The following ASXL3 variants were observed in gnomAD, a reference collection of about 807,000 sequenced individuals.
ASXL3 encodes the protein putative Polycomb group protein ASXL3.
A neutral mutation model predicts 170.6 loss-of-function variants in ASXL3; 34 were observed. That is an observed-to-expected ratio of 0.20 (90% confidence interval 0.15 to 0.27). ASXL3 has a LOEUF of 0.27. Ranked by LOEUF, ASXL3 falls within the 10% of genes least tolerant of loss-of-function variation. The pLI is 1.00. For synonymous variants in ASXL3, 1,002 were observed against 989.1 expected (o/e 1.01, Z -0.24); for missense variants, 2,592 against 2,695.3 (o/e 0.96, Z 0.85).
At chr18:33,648,577 GTC>G (rs1370580872) in intron 4 of ASXL3, among the ~76,000 whole-genome samples, 1 of 152,038 alleles carries the variant, frequency 6.6e-6, no homozygotes, top group Admixed American at 6.6e-5. Flanking sequence ...GATTTTATCT[GTC>G]TGAAAATTAT....
At chr18:33,599,453 C>A (rs2065161668) in intron 1 of ASXL3, among the ~76,000 whole-genome samples, 1 of 152,092 alleles carries the variant, frequency 6.6e-6, no homozygotes, top group African/African-American at 2.4e-5. Context: ...GCAGCCACAA[C>A]AGTTTGTTTT....
intron 4 of ASXL3, 85 bp from the exon 5 acceptor site, chr18:33,661,531 T>G (rs1175478019): frequency 7.5e-7 from 1 of 1,336,130 alleles, no homozygotes; most frequent in Non-Finnish European, 1.0e-6. Context: ...CATTTTCAAT[T>G]GCAGAAAAGC....
chr18:33,632,406 C>T (rs542619128), intron 2 of ASXL3, among the ~76,000 whole-genome samples: 1 of 152,196 alleles, frequency 6.6e-6, no homozygotes, highest in East Asian at 1.9e-4. Context: ...GGTAGCTGCC[C>T]CAGTGTTTAT....
chr18:33,676,335 A>G (rs1322465692), intron 7 of ASXL3, among the ~76,000 whole-genome samples: 1 of 150,688 alleles, frequency 6.6e-6, no homozygotes, highest in Non-Finnish European at 1.5e-5. Context: ...CTGTTGATGT[A>G]GGGTTTTTCT....
intron 2 of ASXL3, chr18:33,609,130 A>T (rs2065295458): frequency 4.3e-6 from 4 of 931,228 alleles, no homozygotes; most frequent in South Asian, 5.0e-5. Context: ...TTTAACCCGG[A>T]TGTCAGTTTA....
In ASXL3 at chr18:33,745,318, G is replaced by A; in HGVS notation, c.5470G>A (p.Glu1824Lys). 1 of 1,613,962 alleles carries A rather than the reference G, an allele frequency of 6.2e-7. No individual in the cohort carries two copies. Among genetic ancestry groups the A allele is most frequent in the South Asian group, 1.1e-5 (1 of 91,084 alleles). ...GGCACCACTCCAAATGAGAAAGCGA[G>A]AAAACCACCCCAAAAAGAGAGTAGC... The part of the protein sequence containing the change: ...TLAPLQMRKR[E>K]NHPKKRVART... The change falls in exon 12 of 12, where the codon GAA becomes AAA. Residue 1824 changes from glutamate to lysine, a missense_variant. This residue lies in a region of ASXL3 where 2,246 missense variants were observed against 2,219.6 expected (regional missense o/e 1.01). Transcript: ENST00000269197.
At chr18:33,630,980 A>T (rs2065668436) in intron 2 of ASXL3, among the ~76,000 whole-genome samples, 1 of 152,046 alleles carries the variant, frequency 6.6e-6, no homozygotes, top group African/African-American at 2.4e-5. Context: ...GAAAAAAATT[A>T]GAAAAAATTT....
At chr18:33,722,841 T>A (rs2067285698) in intron 8 of ASXL3, among the ~76,000 whole-genome samples, 1 of 152,150 alleles carries the variant, frequency 6.6e-6, no homozygotes, top group South Asian at 2.1e-4. Flanking sequence ...ACCCTTCTGT[T>A]AGGTGCTAAT....
intron 2 of ASXL3, chr18:33,609,014 T>C: frequency 1.0e-6 from 1 of 984,536 alleles, no homozygotes. Context: ...CCTAAGATAA[T>C]ATAACCACGC....
intron 8 of ASXL3, among the ~76,000 whole-genome samples, chr18:33,726,583 G>T (rs771870857): frequency 1.3e-5 from 2 of 152,052 alleles, no homozygotes; most frequent in Non-Finnish European, 1.5e-5. Flanking sequence ...TAATATTTTC[G>T]ATAGTTTGGA....
At position 33,612,894 on chromosome 18, in the gene ASXL3, A is replaced by G. The variant is rs574910198; in HGVS notation, c.137+5218A>G. ...TCCTTTAATACTGAAATGGTGGTCT[A>G]GTTTGTTTGTGTTGGGCATTTTAGA... On this transcript the variant is annotated intron_variant, in intron 2 of 11. Coordinates refer to ENST00000269197, the MANE Select transcript of ASXL3 (RefSeq NM_030632.3). Among the ~76,000 whole-genome samples, 266 of 152,162 alleles carry G rather than the reference A, an allele frequency of 1.7e-3. 1 individual carries two copies. Among genetic ancestry groups the G allele is most frequent in the Non-Finnish European group, 3.3e-3 (226 of 67,976 alleles).
At chr18:33,641,380 C>T (rs1036408868) in intron 2 of ASXL3, among the ~76,000 whole-genome samples, 2 of 151,900 alleles carry the variant, frequency 1.3e-5, no homozygotes, top group African/African-American at 4.8e-5. Context: ...GAAGGGTCCA[C>T]AGCCTTACAG....
chr18:33,590,766 G>T (rs958683746), intron 1 of ASXL3, among the ~76,000 whole-genome samples: 4 of 152,004 alleles, frequency 2.6e-5, no homozygotes, highest in African/African-American at 9.7e-5. Context: ...AGTTACCATG[G>T]ATGATTTCTG....
intron 8 of ASXL3, among the ~76,000 whole-genome samples, chr18:33,722,790 T>C (rs1446521124): frequency 6.6e-6 from 1 of 152,154 alleles, no homozygotes; most frequent in Non-Finnish European, 1.5e-5. Flanking sequence ...CTTTTATAGC[T>C]AGAGAGGAGA....
At chr18:33,641,328 C>T (rs948102100) in intron 2 of ASXL3, among the ~76,000 whole-genome samples, 1 of 151,990 alleles carries the variant, frequency 6.6e-6, no homozygotes, top group African/African-American at 2.4e-5. Context: ...CCAGATTCCA[C>T]CCCGTTCTGC....
At chr18:33,684,832 G>A (rs1170525849) in intron 8 of ASXL3, among the ~76,000 whole-genome samples, 1 of 152,102 alleles carries the variant, frequency 6.6e-6, no homozygotes, top group African/African-American at 2.4e-5. Context: ...AAATATCAGA[G>A]TCAAATTTAA....
In ASXL3 at chr18:33,749,702, T is replaced by C. The variant is rs557022641; in HGVS notation, c.*3107T>C. ...AACTGAGCACCATAGTTATATAATA[T>C]TTCCCTGCGAAGGTCTAGTTTGAAG... On this transcript the variant is annotated 3_prime_UTR_variant, in exon 12 of 12. Transcript: ENST00000269197. 6.6e-6 allele frequency: 1 copy of C among 152,242 alleles called. No homozygotes were observed. The highest frequency in any genetic ancestry group is 2.1e-4 in the South Asian group (1 of 4,822). The allele number at this position is 152,242 out of a possible 1,614,324, so 9.4% of individuals were successfully genotyped here.
chr18:33,587,360 A>G (rs192874466), intron 1 of ASXL3, among the ~76,000 whole-genome samples: 65 of 152,214 alleles, frequency 4.3e-4, no homozygotes, highest in Non-Finnish European at 5.9e-5. Flanking sequence ...ACATTAGTTA[A>G]TTGATTACAT....
At chr18:33,703,545 G>A (rs1450487066) in intron 8 of ASXL3, among the ~76,000 whole-genome samples, 1 of 152,152 alleles carries the variant, frequency 6.6e-6, no homozygotes, top group Non-Finnish European at 1.5e-5. Context: ...CAGGTATTTA[G>A]CCTTTGGAAC....
Sources: gnomAD v4.1 joint callset for allele counts (sites outside exome capture counted in the v4.1 genomes callset) on GRCh38, gnomAD v4.1.1 for gene constraint, gnomAD v4.1.1 regional missense constraint, MANE v1.5 for transcripts, NCBI Gene and HGNC (gene_info 2026-07-23, HGNC 2026-07-21) for gene names.